The following TLL1 variants were observed in gnomAD, a reference collection of about 807,000 sequenced individuals.
The protein encoded by TLL1 is tolloid like 1.
A neutral mutation model predicts 128.2 loss-of-function variants in TLL1; 49 were observed. The ratio of observed to expected loss-of-function variants is 0.38; its 90% CI spans 0.30 to 0.48. TLL1 has a LOEUF of 0.48. Among genes scored for constraint, TLL1 ranks in the 20% least tolerant of loss-of-function variants. The pLI, the probability that TLL1 is intolerant of heterozygous loss-of-function variation, is 0.96. For synonymous variants in TLL1, 454 were observed against 418.8 expected (o/e 1.08, Z -1.03); for missense variants, 1,123 against 1,242.0 (o/e 0.90, Z 1.44).
chr4:166,041,871 TAGTA>T (rs1739256175), intron 10 of TLL1, among the ~76,000 whole-genome samples, 152 bp from the exon 11 acceptor site: 1 of 152,194 alleles, frequency 6.6e-6, no homozygotes, highest in African/African-American at 2.4e-5. Context: ...TATCTACCAT[TAGTA>T]AGTAAATTTA....
chr4:165,912,246 C>T (rs543768302), intron 1 of TLL1, among the ~76,000 whole-genome samples: 5 of 152,234 alleles, frequency 3.3e-5, no homozygotes, highest in Non-Finnish European at 5.9e-5. Context: ...ACCCATACAC[C>T]TAGTTTCCTG....
At position 166,100,817 on chromosome 4, in the gene TLL1, G is replaced by C; in HGVS notation, c.2983G>C (p.Gly995Arg). ...FHTDDTINKKGFHIRYKSIRY... is the reference protein window; with the variant it reads ...FHTDDTINKKRFHIRYKSIRY... ...CACTGATGACACAATCAACAAGAAG[G>C]GATTTCATATAAGATACAAAAGCAT... The change falls in exon 21 of 21, where the codon GGA (glycine) becomes CGA (arginine). Residue 995 changes from glycine (G) to arginine (R), a missense_variant. Coordinates refer to ENST00000061240, the MANE Select transcript of TLL1 (RefSeq NM_012464.5). 1 of 1,612,748 alleles carries C rather than the reference G, an allele frequency of 6.2e-7. No homozygotes were observed. The highest frequency in any genetic ancestry group is 8.5e-7 in the Non-Finnish European group (1 of 1,179,302).
At chr4:165,974,295 T>C (rs1419848988) in intron 1 of TLL1, among the ~76,000 whole-genome samples, 2 of 142,372 alleles carry the variant, frequency 1.4e-5, no homozygotes, top group Non-Finnish European at 3.0e-5. Context: ...CGCCCGCCAC[T>C]ACGCCCGGCT....
intron 1 of TLL1, among the ~76,000 whole-genome samples, chr4:165,981,390 A>G (rs2110996779): frequency 6.6e-6 from 1 of 152,256 alleles, no homozygotes; most frequent in Non-Finnish European, 1.5e-5. Flanking sequence ...TTTAAGTGGA[A>G]AATTAAAGTT....
intron 5 of TLL1, 78 bp from the exon 6 acceptor site, chr4:166,003,313 T>G: frequency 7.4e-6 from 11 of 1,481,682 alleles, no homozygotes; most frequent in Non-Finnish European, 1.0e-5. Flanking sequence ...ATCACTATTC[T>G]TTACAAAAAA....
In TLL1 at chr4:165,873,806, G is replaced by A. The variant is rs1730597406; in HGVS notation, c.-99G>A. 1 of 1,399,150 alleles carries A rather than the reference G, an allele frequency of 7.1e-7. No homozygotes were observed. Among genetic ancestry groups the A allele is most frequent in the African/African-American group, 1.4e-5 (1 of 70,242 alleles). 86.7% of individuals were successfully genotyped at this position (1,399,150 alleles called of 1,614,324 possible). ...GGTCCCGCCGAGGAGCCTCCGGGTG[G>A]GGAGAAGAGCACCGGTGCCCCTAGC... On this transcript the variant is annotated 5_prime_UTR_variant, in exon 1 of 21. Transcript: ENST00000061240.
intron 20 of TLL1, 79 bp from the exon 21 acceptor site, chr4:166,100,663 C>G (rs1337380318): frequency 1.9e-6 from 3 of 1,575,444 alleles, no homozygotes; most frequent in African/African-American, 2.7e-5. Flanking sequence ...ACAAGTATTC[C>G]CAAACATGCG....
At chr4:165,910,643 A>C (rs1028464371) in intron 1 of TLL1, among the ~76,000 whole-genome samples, 1 of 152,168 alleles carries the variant, frequency 6.6e-6, no homozygotes, top group African/African-American at 2.4e-5. Context: ...TTTCATGAAA[A>C]TCAGTTAACT....
intron 1 of TLL1, among the ~76,000 whole-genome samples, chr4:165,907,550 CTTT>C (rs111799840): frequency 7.2e-6 from 1 of 139,494 alleles, no homozygotes. Context: ...TAATGCAAGC[CTTT>C]TTTTTTTTTT....
At chr4:166,059,950 G>T in intron 14 of TLL1, 78 bp from the exon 15 acceptor site, 1 of 1,531,636 alleles carries the variant, frequency 6.5e-7, no homozygotes, top group Non-Finnish European at 9.0e-7. Flanking sequence ...AGATGTTTGG[G>T]TATTAATTAA....
intron 2 of TLL1, among the ~76,000 whole-genome samples, chr4:165,990,410 A>G (rs962194296): frequency 2.0e-5 from 3 of 151,976 alleles, no homozygotes; most frequent in Non-Finnish European, 4.4e-5. Context: ...CATATATATT[A>G]TGGACTTAAG....
chr4:165,952,711 C>T (rs1734583177), intron 1 of TLL1, among the ~76,000 whole-genome samples: 1 of 151,952 alleles, frequency 6.6e-6, no homozygotes, highest in Non-Finnish European at 1.5e-5. Flanking sequence ...CAGTGGAAGG[C>T]ATGATAAAAT....
chr4:166,035,866 CA>C lies in TLL1; in HGVS notation c.1159-3472del, dbSNP rs1738973208. ...AACTTTTACAGAAACAGGCTTCAGG[CA>C]GAATTTGATCCATGGGTTATAGTTT... On this transcript the variant is annotated intron_variant, in intron 9 of 20. Transcript: ENST00000061240. 2.0e-5 allele frequency among the ~76,000 whole-genome samples: 3 copies of C among 152,032 alleles called. No homozygotes were observed. The South Asian group carries it at 6.2e-4, about 31-fold the overall frequency.
intron 12 of TLL1, among the ~76,000 whole-genome samples, chr4:166,051,263 C>CTCCCTCCCTCCCTCCCTCCCTTCTTTCT: frequency 7.1e-6 from 1 of 140,854 alleles, no homozygotes; most frequent in Non-Finnish European, 1.6e-5. Context: ...CTTTTTTCTC[C>CTCCCTCCCTCCCTCCCTCCCTTCTTTCT]TCCCTCCCTC....
At chr4:166,068,567 T>A (rs1740676869) in intron 16 of TLL1, among the ~76,000 whole-genome samples, 1 of 151,906 alleles carries the variant, frequency 6.6e-6, no homozygotes, top group African/African-American at 2.4e-5. Context: ...ACTTCGTTAC[T>A]GGATTTATTG....
intron 1 of TLL1, among the ~76,000 whole-genome samples, chr4:165,928,457 C>G (rs1204528744): frequency 6.6e-6 from 1 of 151,994 alleles, no homozygotes; most frequent in Non-Finnish European, 1.5e-5. Context: ...TTTGAATTGG[C>G]TATTGAAGGA....
At chr4:165,937,543 T>A (rs1733820053) in intron 1 of TLL1, among the ~76,000 whole-genome samples, 1 of 152,308 alleles carries the variant, frequency 6.6e-6, no homozygotes, top group Non-Finnish European at 1.5e-5. Context: ...CAATATTTTC[T>A]TCTCTCTAAC....
chr4:165,898,020 GCT>G (rs1561013715), intron 1 of TLL1, among the ~76,000 whole-genome samples: 1 of 151,950 alleles, frequency 6.6e-6, no homozygotes, highest in East Asian at 1.9e-4. Flanking sequence ...TCATGATTTG[GCT>G]CTCTGTTTGT....
At chr4:165,921,250 A>G (rs1377448177) in intron 1 of TLL1, among the ~76,000 whole-genome samples, 1 of 152,226 alleles carries the variant, frequency 6.6e-6, no homozygotes, top group Non-Finnish European at 1.5e-5. Context: ...CAGCATTTAG[A>G]ACAAAACTTT....
Sources: gnomAD v4.1 joint callset for allele counts (sites outside exome capture counted in the v4.1 genomes callset) on GRCh38, gnomAD v4.1.1 for gene constraint, MANE v1.5 for transcripts, NCBI Gene and HGNC (gene_info 2026-07-23, HGNC 2026-07-21) for gene names.